Variants in KSR2 observed in about 807,000 individuals in gnomAD.
KSR2 encodes kinase suppressor of ras 2.
In KSR2, 25 loss-of-function variants were observed where a neutral mutation model predicts 107.8. That is an observed-to-expected ratio of 0.23 (90% CI 0.17 to 0.32). The LOEUF is 0.32. Ranked by LOEUF, KSR2 falls within the 10% of genes least tolerant of loss-of-function variation. The pLI, the probability that KSR2 is intolerant of heterozygous loss-of-function variation, is 1.00. For synonymous variants in KSR2, 480 were observed against 507.0 expected (o/e 0.95, Z 0.71); for missense variants, 887 against 1,268.9 (o/e 0.70, Z 4.57).
At chr12:117,623,087 C>T (rs1401746568) in intron 5 of KSR2, among the ~76,000 whole-genome samples, 1 of 152,210 alleles carries the variant, frequency 6.6e-6, no homozygotes, top group Non-Finnish European at 1.5e-5. Context: ...CTTTGAGCCT[C>T]ATTTTCCTCT....
chr12:117,835,882 A>G (rs986926222), intron 3 of KSR2, among the ~76,000 whole-genome samples: 1 of 151,318 alleles, frequency 6.6e-6, no homozygotes, highest in African/African-American at 2.4e-5. Context: ...TTGGGACCTG[A>G]GATGTAATGA....
rs367746267 is a variant in KSR2 at position 117,684,684 on chromosome 12, G to A, written c.987-17026C>T. Among the ~76,000 whole-genome samples, 35 of 152,276 alleles carry A rather than the reference G, an allele frequency of 2.3e-4. No homozygotes were observed. The East Asian group carries it at 2.3e-3, about 10-fold the overall frequency. ...ATACAAATGCCTATGTCAGCACCAA[G>A]TTCTCTCTGTGTCACATGCCAGGGG... On this transcript the variant is annotated intron_variant, in intron 4 of 19. Transcript: ENST00000339824.
At chr12:117,632,786 G>T (rs757718692) in intron 5 of KSR2, among the ~76,000 whole-genome samples, 1 of 152,210 alleles carries the variant, frequency 6.6e-6, no homozygotes, top group Admixed American at 6.5e-5. Flanking sequence ...GAAAACATGC[G>T]GTATTTGGTT....
intron 3 of KSR2, among the ~76,000 whole-genome samples, chr12:117,837,383 C>T (rs1037262512): frequency 6.6e-6 from 1 of 152,186 alleles, no homozygotes; most frequent in Non-Finnish European, 1.5e-5. Flanking sequence ...ACAATTTTGA[C>T]GTCTCCGCTA....
At chr12:117,892,547 A>G (rs538250198) in intron 1 of KSR2, among the ~76,000 whole-genome samples, 1 of 152,240 alleles carries the variant, frequency 6.6e-6, no homozygotes, top group South Asian at 2.1e-4. Context: ...AGAAATTCCT[A>G]TATACCAAAA....
intron 16 of KSR2, among the ~76,000 whole-genome samples, chr12:117,480,405 G>T (rs557807561): frequency 5.7e-4 from 87 of 152,238 alleles, no homozygotes; most frequent in African/African-American, 2.1e-3. Flanking sequence ...TGGGCCCACC[G>T]ATGACAAACC....
chr12:117,675,707 G>T (rs573824159), intron 4 of KSR2, among the ~76,000 whole-genome samples: 30 of 152,178 alleles, frequency 2.0e-4, no homozygotes, highest in Non-Finnish European at 3.5e-4. Flanking sequence ...CTCCTCGAGC[G>T]TGTGGGTTGT....
At chr12:117,769,795 T>C (rs1208481571) in intron 3 of KSR2, among the ~76,000 whole-genome samples, 4 of 152,222 alleles carry the variant, frequency 2.6e-5, no homozygotes, top group Non-Finnish European at 5.9e-5. Context: ...GGCTCACACC[T>C]GTAATCCTAG....
chr12:117,733,628 A>C (rs912427177), intron 4 of KSR2, among the ~76,000 whole-genome samples: 3 of 152,196 alleles, frequency 2.0e-5, no homozygotes, highest in Non-Finnish European at 4.4e-5. Context: ...GGACCCTTAC[A>C]GGGAAAATTT....
At chr12:117,480,411 A>G (rs1872108188) in intron 16 of KSR2, among the ~76,000 whole-genome samples, 1 of 152,148 alleles carries the variant, frequency 6.6e-6, no homozygotes. Context: ...CACCGATGAC[A>G]AACCCAAATC....
intron 16 of KSR2, among the ~76,000 whole-genome samples, chr12:117,478,595 C>T (rs901591464): frequency 6.6e-6 from 1 of 151,846 alleles, no homozygotes; most frequent in South Asian, 2.1e-4. Flanking sequence ...CAACCGCACC[C>T]TGCTAATTTT....
intron 1 of KSR2, among the ~76,000 whole-genome samples, chr12:117,924,130 G>A (rs866476038): frequency 2.6e-5 from 4 of 151,294 alleles, no homozygotes; most frequent in Non-Finnish European, 4.4e-5. Context: ...CTCCCACCTC[G>A]GCCTCCCCAA....
In KSR2 at chr12:117,530,925, T is replaced by A; in HGVS notation, c.1802+16A>T. ...GGAAGCTTGGGAAAGGGGGAAGATG[T>A]CTCTGTCTCACTTACATTGGATTCG... On this transcript the variant is annotated intron_variant, in intron 12 of 19. Transcript: ENST00000339824. 1 of 1,612,098 alleles carries A rather than the reference T, an allele frequency of 6.2e-7. No individual in the cohort carries two copies. Among genetic ancestry groups the A allele is most frequent in the Middle Eastern group, 1.7e-4 (1 of 6,056 alleles).
chr12:117,794,446 G>GCA (rs1176222013), intron 3 of KSR2, among the ~76,000 whole-genome samples: 1 of 39,216 alleles, frequency 2.5e-5, no homozygotes, highest in Non-Finnish European at 4.1e-5. Context: ...ACACCAACAT[G>GCA]CACACACACC....
chr12:117,479,703 G>C (rs1262178276), intron 16 of KSR2, among the ~76,000 whole-genome samples: 2 of 152,166 alleles, frequency 1.3e-5, no homozygotes, highest in African/African-American at 2.4e-5. Context: ...CACATGACTT[G>C]CTCCTGCATT....
At chr12:117,538,745 A>C (rs1349449577) in intron 10 of KSR2, among the ~76,000 whole-genome samples, 1 of 152,232 alleles carries the variant, frequency 6.6e-6, no homozygotes, top group Non-Finnish European at 1.5e-5. Flanking sequence ...ATTTAATTTT[A>C]ATTTATTTAA....
intron 4 of KSR2, among the ~76,000 whole-genome samples, chr12:117,674,125 G>A (rs1885023100): frequency 1.3e-5 from 2 of 152,150 alleles, no homozygotes. Context: ...TTCCAGTGTT[G>A]GAATCTGGGA....
chr12:117,831,084 A>G (rs1310257282), intron 3 of KSR2, among the ~76,000 whole-genome samples: 1 of 152,168 alleles, frequency 6.6e-6, no homozygotes, highest in Non-Finnish European at 1.5e-5. Context: ...CCTCCCCCAG[A>G]GCAAGAAACG....
chr12:117,606,381 C>T (rs183555793), intron 5 of KSR2, among the ~76,000 whole-genome samples: 543 of 52,394 alleles, frequency 0.01, 34 homozygotes, highest in African/African-American at 0.036. Context: ...CCCTCCCTCC[C>T]CTCCTTCCTC....
Sources: gnomAD v4.1 joint callset for allele counts (sites outside exome capture counted in the v4.1 genomes callset) on GRCh38, gnomAD v4.1.1 for gene constraint, MANE v1.5 for transcripts, NCBI Gene and HGNC (gene_info 2026-07-23, HGNC 2026-07-21) for gene names.